DROSHA: variants seen among roughly 807,000 people sequenced by gnomAD.
The protein encoded by DROSHA is drosha ribonuclease III, also known as ribonuclease 3.
Under a neutral mutation model 181.9 loss-of-function variants are expected in DROSHA, and 56 were observed. The ratio of observed to expected loss-of-function variants is 0.31; its 90% CI spans 0.25 to 0.38. The LOEUF is 0.38. DROSHA is among the 10% of genes least tolerant of loss of function. The probability of loss-of-function intolerance (pLI) is 1.00; values close to 1 mark genes in which losing one functional copy is unlikely to be tolerated. For missense variants in DROSHA, 1,218 were observed against 1,743.5 expected (o/e 0.70, Z 5.37); for synonymous variants, 524 against 591.2 (o/e 0.89, Z 1.65).
intron 35 of DROSHA, 78 bp from the exon 36 acceptor site, chr5:31,401,640 T>C (rs1579954372): frequency 1.1e-6 from 1 of 936,468 alleles, no homozygotes; most frequent in Non-Finnish European, 1.4e-6. Context: ...CAACTAAACA[T>C]ATACACATAC....
chr5:31,430,901 T>C (rs1400983554), intron 26 of DROSHA, among the ~76,000 whole-genome samples: 1 of 151,672 alleles, frequency 6.6e-6, no homozygotes, highest in East Asian at 1.9e-4. Context: ...TCATTTACTT[T>C]AAAAAAAAAT....
chr5:31,461,871 A>C (rs151213222), intron 20 of DROSHA, among the ~76,000 whole-genome samples: 175 of 152,146 alleles, frequency 1.2e-3, no homozygotes, highest in African/African-American at 3.9e-3. Context: ...GAAGGTTAAC[A>C]ATTTACTTTC....
In DROSHA at chr5:31,429,493, G is replaced by A; in HGVS notation, c.3198C>T (p.Arg1066=). Residue 1066 remains arginine (R), a synonymous_variant, in exon 27 of 36, where the codon CGC becomes CGT. Coordinates refer to ENST00000344624, the MANE Select transcript of DROSHA (RefSeq NM_001382508.1). ...GAAATACCGGATCATTAAAGAGCAAGCGTCCAAATAACTGCTTGGCTTCCT... is the reference window on the plus strand; with the variant it reads ...GAAATACCGGATCATTAAAGAGCAAACGTCCAAATAACTGCTTGGCTTCCT... The part of the protein sequence containing the change: ...SLEEAKQLFG[R]LLFNDPDLRE... The A allele has an allele frequency of 6.2e-7, 1 of 1,611,772 alleles. No individual in the cohort carries two copies. Among genetic ancestry groups the A allele is most frequent in the East Asian group, 2.2e-5 (1 of 44,794 alleles).
chr5:31,447,289 G>C (rs1038572054), intron 23 of DROSHA, among the ~76,000 whole-genome samples: 1 of 152,090 alleles, frequency 6.6e-6, no homozygotes, highest in Non-Finnish European at 1.5e-5. Flanking sequence ...TAGCTATTAG[G>C]CTTAATACTT....
At chr5:31,481,731 G>C (rs531391270) in intron 16 of DROSHA, among the ~76,000 whole-genome samples, 1 of 152,318 alleles carries the variant, frequency 6.6e-6, no homozygotes, top group Admixed American at 6.5e-5. Context: ...ACTGAGGAAA[G>C]AGTATCAGGA....
chr5:31,516,085 G>A (rs1459881622), intron 6 of DROSHA, among the ~76,000 whole-genome samples: 1 of 152,108 alleles, frequency 6.6e-6, no homozygotes, highest in Non-Finnish European at 1.5e-5. Context: ...GTGAAACCCT[G>A]TCTCTACAAG....
chr5:31,430,218 T>C (rs1278501572), intron 26 of DROSHA, among the ~76,000 whole-genome samples: 4 of 152,324 alleles, frequency 2.6e-5, no homozygotes, highest in Admixed American at 6.5e-5. Flanking sequence ...TTTTGACAAC[T>C]AAAGACATTC....
chr5:31,449,381 T>C lies in DROSHA; in HGVS notation c.2721A>G (p.Gly907=). Residue 907 remains glycine, a synonymous_variant, in exon 22 of 36, where the codon GGA becomes GGG. Coordinates refer to ENST00000344624, the MANE Select transcript of DROSHA (RefSeq NM_001382508.1). ...MTHPSHHLNF[G]MNPDHARNSL... ...AATTCCTGGCATGATCAGGATTCAT[T>C]CCAAAATTTAAATGATGACTTGGAT... The C allele has an allele frequency of 1.9e-6, 3 of 1,599,930 alleles. No homozygotes were observed. Among genetic ancestry groups the C allele is most frequent in the Non-Finnish European group, 1.7e-6 (2 of 1,172,528 alleles).
At chr5:31,506,675 G>GT (rs1017923004) in intron 10 of DROSHA, among the ~76,000 whole-genome samples, 5 of 141,116 alleles carry the variant, frequency 3.5e-5, no homozygotes, top group Admixed American at 1.5e-4. Context: ...CAGAGCAGGA[G>GT]TTTTTTTGAG....
chr5:31,446,254 G>T (rs1746244192), intron 23 of DROSHA, among the ~76,000 whole-genome samples: 1 of 151,680 alleles, frequency 6.6e-6, no homozygotes, highest in African/African-American at 2.4e-5. Flanking sequence ...AGACCACCCT[G>T]GTTAACACAG....
Position 31,526,694 on chromosome 5 carries a change from G to T in DROSHA, c.239C>A (p.Pro80His), listed in dbSNP as rs1740622774. The change falls in exon 5 of 36, where the codon CCC becomes CAC. Residue 80 changes from proline (P) to histidine (H), a missense_variant. Physicochemically the swap from Pro to His is moderately conservative, Grantham distance 77. Around this residue, in one of 8 missense-constraint regions of DROSHA, gnomAD observed 536 missense variants for 535.4 expected, o/e 1.00. Coordinates refer to ENST00000344624, the MANE Select transcript of DROSHA (RefSeq NM_001382508.1). The part of the protein sequence containing the change: ...NFLPPRPDFV[P>H]FPPPMPPSAQ... ...TGACGGAGGCATGGGTGGGGGGAAG[G>T]GTACAAAGTCTGGTCGTGGAGGGAG... 1 of 1,528,798 alleles carries T rather than the reference G, an allele frequency of 6.5e-7. No homozygotes were observed. Among genetic ancestry groups the T allele is most frequent in the South Asian group, 1.3e-5 (1 of 76,534 alleles). The allele number at this position is 1,528,798 out of a possible 1,614,324, so 94.7% of individuals were successfully genotyped here.
At chr5:31,504,236 T>G (rs1295503586) in intron 11 of DROSHA, among the ~76,000 whole-genome samples, 1 of 152,008 alleles carries the variant, frequency 6.6e-6, no homozygotes, top group Non-Finnish European at 1.5e-5. Flanking sequence ...CCAGGGCCAT[T>G]CATAGCCACT....
Position 31,409,548 on chromosome 5 carries a change from C to T in DROSHA, c.3668-216G>A. On this transcript the variant is annotated intron_variant, in intron 31 of 35. Coordinates refer to ENST00000344624, the MANE Select transcript of DROSHA (RefSeq NM_001382508.1). The surrounding 1 kb of genome is among the most constrained non-coding windows in gnomAD (Gnocchi z 4.0). ...GATGCAAATCATAGAGTACAAACAC[C>T]AAACTGCATTTAGCTAAGGGCTAAA... 1 of 538,616 alleles carries T rather than the reference C, an allele frequency of 1.9e-6. No individual in the cohort carries two copies. 33.4% of individuals were successfully genotyped at this position (538,616 alleles called of 1,614,324 possible).
intron 30 of DROSHA, among the ~76,000 whole-genome samples, chr5:31,417,870 T>C (rs975463517): frequency 9.9e-5 from 15 of 151,996 alleles, no homozygotes; most frequent in Non-Finnish European, 1.8e-4. Context: ...GTAAAATGGA[T>C]TGGGCAGGGG....
Position 31,530,802 on chromosome 5 carries a change from G to A in DROSHA, c.-51C>T, listed in dbSNP as rs764569257. 27 of 398,236 alleles carry A rather than the reference G, an allele frequency of 6.8e-5. No individual in the cohort carries two copies. The highest frequency in any genetic ancestry group is 1.8e-4 in the East Asian group (5 of 28,068). The allele number at this position is 398,236 out of a possible 1,614,324, so 24.7% of individuals were successfully genotyped here. ...TAATCCTTTTACAGCACTTACCAGA[G>A]ACTGCCTCATATCATAGTGAAGTAT... On this transcript the variant is annotated 5_prime_UTR_variant, in exon 3 of 36. Coordinates refer to ENST00000344624, the MANE Select transcript of DROSHA (RefSeq NM_001382508.1).
chr5:31,444,204 A>G (rs1335684036), intron 23 of DROSHA, among the ~76,000 whole-genome samples: 1 of 152,184 alleles, frequency 6.6e-6, no homozygotes. Flanking sequence ...AGCTGTGCCC[A>G]GCTGTGGACT....
At chr5:31,439,499 G>T (rs1025337889) in intron 23 of DROSHA, among the ~76,000 whole-genome samples, 1 of 152,060 alleles carries the variant, frequency 6.6e-6, no homozygotes, top group Non-Finnish European at 1.5e-5. Flanking sequence ...TTTAGGTTCA[G>T]GGGTACCTGT....
intron 26 of DROSHA, 139 bp downstream of exon 26, chr5:31,431,437 G>T: frequency 1.6e-6 from 1 of 609,022 alleles, no homozygotes; most frequent in South Asian, 2.1e-5. Context: ...ATAATATAAG[G>T]TGGTAGGTGT....
chr5:31,466,474 G>C (rs189168289), intron 18 of DROSHA, 193 bp from the exon 19 acceptor site: 1 of 518,960 alleles, frequency 1.9e-6, no homozygotes. Context: ...GAGTCAACTG[G>C]AACCTGGTGA....
Sources: allele counts gnomAD v4.1 joint callset (sites outside exome capture counted in the v4.1 genomes callset), GRCh38; gene constraint gnomAD v4.1.1; regional missense constraint gnomAD v4.1.1; non-coding constraint Gnocchi (gnomAD v3.1); transcripts MANE v1.5; gene names NCBI Gene and HGNC (gene_info 2026-07-23, HGNC 2026-07-21).